The following GRM5 variants were observed in gnomAD, a reference collection of about 807,000 sequenced individuals.
GRM5 encodes the protein glutamate metabotropic receptor 5.
In GRM5, 19 loss-of-function variants were observed where a neutral mutation model predicts 83.1. The ratio of observed to expected loss-of-function variants is 0.23; its 90% CI spans 0.16 to 0.34. The LOEUF is 0.34. Ranked by LOEUF, GRM5 falls within the 10% of genes least tolerant of loss-of-function variation. GRM5 has a pLI of 1.00. For synonymous variants in GRM5, 675 were observed against 633.6 expected (o/e 1.07, Z -0.98); for missense variants, 1,160 against 1,588.3 (o/e 0.73, Z 4.58).
intron 2 of GRM5, among the ~76,000 whole-genome samples, chr11:88,929,954 T>A (rs866420248): frequency 6.6e-6 from 1 of 152,170 alleles, no homozygotes; most frequent in African/African-American, 2.4e-5. Flanking sequence ...TGGATCAGAC[T>A]GGTGTTTCAA....
chr11:88,793,992 G>A (rs1943227996), intron 3 of GRM5, among the ~76,000 whole-genome samples: 1 of 152,068 alleles, frequency 6.6e-6, no homozygotes, highest in Admixed American at 6.6e-5. Context: ...ACTATGCCTG[G>A]CTAATTTTAT....
chr11:89,005,851 ATTG>A (rs1448934498), intron 2 of GRM5, among the ~76,000 whole-genome samples: 1 of 152,182 alleles, frequency 6.6e-6, no homozygotes, highest in Admixed American at 6.5e-5. Context: ...CACCTACCAT[ATTG>A]TTGTCATTTT....
chr11:88,886,264 A>T (rs1337938385), intron 2 of GRM5, among the ~76,000 whole-genome samples: 2 of 152,128 alleles, frequency 1.3e-5, no homozygotes, highest in Admixed American at 1.3e-4. Context: ...GTGCGTGATG[A>T]CAAACCCTGG....
chr11:88,564,221 CT>C (rs1942822439), intron 8 of GRM5, among the ~76,000 whole-genome samples: 1 of 152,156 alleles, frequency 6.6e-6, no homozygotes, highest in South Asian at 2.1e-4. Flanking sequence ...AGACCAAACA[CT>C]TGCCAAAGGT....
chr11:88,597,523 T>G (rs1413187973), intron 5 of GRM5, among the ~76,000 whole-genome samples, 171 bp from the exon 6 acceptor site: 1 of 152,140 alleles, frequency 6.6e-6, no homozygotes, highest in East Asian at 1.9e-4. Flanking sequence ...TTACTTTCTC[T>G]GCAGAGACCA....
At chr11:88,734,663 CTT>C (rs1032081742) in intron 3 of GRM5, among the ~76,000 whole-genome samples, 5 of 151,992 alleles carry the variant, frequency 3.3e-5, no homozygotes, top group African/African-American at 1.2e-4. Flanking sequence ...CATGCTGTAA[CTT>C]TGTAACTTTT....
At chr11:89,040,360 A>G (rs1941501020) in intron 2 of GRM5, among the ~76,000 whole-genome samples, 3 of 152,152 alleles carry the variant, frequency 2.0e-5, no homozygotes, top group Middle Eastern at 3.2e-3. Flanking sequence ...AAACAAAAAC[A>G]AAACAAAACA....
chr11:88,839,619 T>C (rs1373138743), intron 3 of GRM5, among the ~76,000 whole-genome samples: 2 of 152,334 alleles, frequency 1.3e-5, no homozygotes, highest in Admixed American at 6.5e-5. Context: ...ATAAATTACA[T>C]CTTTGGAGAG....
chr11:88,958,295 T>C (rs1565309629), intron 2 of GRM5, among the ~76,000 whole-genome samples: 1 of 150,504 alleles, frequency 6.6e-6, no homozygotes, highest in South Asian at 2.1e-4. Flanking sequence ...GCACATAATA[T>C]AGTATCCTGT....
intron 2 of GRM5, among the ~76,000 whole-genome samples, chr11:88,887,324 A>C (rs2135580403): frequency 6.6e-6 from 1 of 152,326 alleles, no homozygotes; most frequent in South Asian, 2.1e-4. Context: ...TCTAAGGGAA[A>C]ACGCTTTAGT....
At chr11:88,771,184 A>G (rs1942729509) in intron 3 of GRM5, among the ~76,000 whole-genome samples, 1 of 152,108 alleles carries the variant, frequency 6.6e-6, no homozygotes, top group African/African-American at 2.4e-5. Flanking sequence ...GAATTAAGAC[A>G]TGCTTGTATT....
At chr11:88,603,294 C>G (rs1395544016) in intron 5 of GRM5, among the ~76,000 whole-genome samples, 1 of 152,104 alleles carries the variant, frequency 6.6e-6, no homozygotes, top group Admixed American at 6.6e-5. Context: ...GGTTTGGGTA[C>G]CTGATATAAA....
chr11:88,966,657 T>A (rs1298180750), intron 2 of GRM5, among the ~76,000 whole-genome samples: 1 of 152,124 alleles, frequency 6.6e-6, no homozygotes, highest in South Asian at 2.1e-4. Context: ...GGCCACTGGA[T>A]CATGAAGAAC....
At chr11:88,603,967 A>G (rs1294199056) in intron 5 of GRM5, among the ~76,000 whole-genome samples, 2 of 152,216 alleles carry the variant, frequency 1.3e-5, no homozygotes, top group Admixed American at 6.5e-5. Flanking sequence ...GTGAAGACTC[A>G]GCCCTGCTAC....
intron 3 of GRM5, among the ~76,000 whole-genome samples, chr11:88,836,503 A>C (rs754753275): frequency 2.0e-5 from 3 of 152,168 alleles, no homozygotes; most frequent in African/African-American, 7.2e-5. Flanking sequence ...AATCATGTCA[A>C]TCTTCTAGAA....
At chr11:88,995,616 A>G (rs1180836444) in intron 2 of GRM5, among the ~76,000 whole-genome samples, 1 of 151,662 alleles carries the variant, frequency 6.6e-6, no homozygotes. Context: ...GTGTGCACCA[A>G]TGTTGTAGAA....
chr11:88,857,720 T>G (rs1162127718), intron 2 of GRM5, among the ~76,000 whole-genome samples: 1 of 152,112 alleles, frequency 6.6e-6, no homozygotes, highest in East Asian at 1.9e-4. Context: ...TGTCCTTTAA[T>G]GCAGATATTT....
intron 2 of GRM5, among the ~76,000 whole-genome samples, chr11:88,934,977 C>G (rs1213791968): frequency 1.3e-5 from 2 of 151,856 alleles, no homozygotes; most frequent in African/African-American, 2.4e-5. Flanking sequence ...TGTCAATTGC[C>G]TACTGTGGGC....
intron 3 of GRM5, among the ~76,000 whole-genome samples, chr11:88,813,356 T>G (rs191730086): frequency 6.4e-4 from 97 of 152,308 alleles, no homozygotes; most frequent in Non-Finnish European, 1.1e-3. Context: ...TGGGGATTTT[T>G]TAGTTCTCTC....
Sources: allele counts gnomAD v4.1 joint callset (sites outside exome capture counted in the v4.1 genomes callset), GRCh38; gene constraint gnomAD v4.1.1; transcripts MANE v1.5; gene names NCBI Gene and HGNC (gene_info 2026-07-23, HGNC 2026-07-21).